NBN: variants seen among roughly 807,000 people sequenced by gnomAD.
The protein encoded by NBN is nibrin, also known as Nijmegen breakage syndrome 1 (nibrin).
In NBN, 88 loss-of-function variants were observed where a neutral mutation model predicts 90.8. The ratio of observed to expected loss-of-function variants is 0.97; its 90% CI spans 0.82 to 1.16. The LOEUF (loss-of-function observed/expected upper bound fraction) is 1.16. NBN is among the 50% of genes most tolerant of loss of function. The pLI is 0.00. For synonymous variants in NBN, 328 were observed against 295.1 expected (o/e 1.11, Z -1.14); for missense variants, 894 against 869.6 (o/e 1.03, Z -0.35).
chr8:89,951,644 T>C (rs1810454650), intron 11 of NBN, among the ~76,000 whole-genome samples: 1 of 152,200 alleles, frequency 6.6e-6, no homozygotes, highest in South Asian at 2.1e-4. Flanking sequence ...TAAACTAATT[T>C]ACCTAGCTCT....
At chr8:89,946,905 T>C (rs1196831769) in intron 12 of NBN, among the ~76,000 whole-genome samples, 1 of 152,184 alleles carries the variant, frequency 6.6e-6, no homozygotes, top group Non-Finnish European at 1.5e-5. Flanking sequence ...GATTCTTGGC[T>C]TCGTGTCATT....
rs1056718535 is a variant in NBN at position 89,952,522 on chromosome 8, T to C, written c.1845+722A>G. The stretch of plus-strand genomic sequence containing the variant: ...TATAAGGTCCTTGATACACACTAGG[T>C]TCTCAACTGCTTAGCTAATAAACTA... On this transcript the variant is annotated intron_variant, in intron 11 of 15. Transcript: ENST00000265433. 2.0e-4 allele frequency among the ~76,000 whole-genome samples: 30 copies of C among 152,178 alleles called. 1 individual carries two copies. The highest frequency in any genetic ancestry group is 1.8e-3 in the Admixed American group (28 of 15,274).
Position 89,947,861 on chromosome 8 carries a change from A to C in NBN, c.1877T>G (p.Leu626Arg), listed in dbSNP as rs1237629649. 3 of 1,581,932 alleles carry C rather than the reference A, an allele frequency of 1.9e-6. No individual in the cohort carries two copies. The highest frequency in any genetic ancestry group is 2.7e-5 in the African/African-American group (2 of 74,112). ...AGCTGACCATAGTGAGTCTTCCTTG[A>C]GTTCACGTTTCTTCCCAATTTCATT... ...QENEIGKKRE[L>R]KEDSLWSAKE... is the part of the protein sequence containing the mutation. The change falls in exon 12 of 16, where the codon CTC (leucine) becomes CGC (arginine). Residue 626 changes from leucine (L) to arginine (R), a missense_variant. Transcript: ENST00000265433.
At chr8:89,967,913 A>G (rs1233848551) in intron 7 of NBN, among the ~76,000 whole-genome samples, 1 of 152,160 alleles carries the variant, frequency 6.6e-6, no homozygotes, top group Non-Finnish European at 1.5e-5. Context: ...GTTAACAGGT[A>G]TCATTTTAAG....
At chr8:89,959,294 A>G (rs754342647) in intron 8 of NBN, among the ~76,000 whole-genome samples, 9 of 152,208 alleles carry the variant, frequency 5.9e-5, no homozygotes, top group Non-Finnish European at 8.8e-5. Flanking sequence ...TCTTAGACAT[A>G]AACTTCTGGC....
Position 89,984,244 on chromosome 8 carries a change from G to T in NBN, c.37+281C>A, listed in dbSNP as rs772887709. On this transcript the variant is annotated intron_variant, in intron 1 of 15. Coordinates refer to ENST00000265433, the MANE Select transcript of NBN (RefSeq NM_002485.5). ...CCAGCCCTAGCGCTGCAACGGCGCGGGGGTGAGGCTGGGAGGGAGGGGGAG... is the reference window on the plus strand; with the variant it reads ...CCAGCCCTAGCGCTGCAACGGCGCGTGGGTGAGGCTGGGAGGGAGGGGGAG... 328 of 552,550 alleles carry T rather than the reference G, an allele frequency of 5.9e-4. 1 individual carries two copies. The highest frequency in any genetic ancestry group is 8.3e-4 in the Non-Finnish European group (252 of 305,320). The allele number at this position is 552,550 out of a possible 1,614,324, so 34.2% of individuals were successfully genotyped here. A position where few individuals can be genotyped will look rare whatever the true frequency, so the allele number is the denominator to read the frequency against.
intron 8 of NBN, among the ~76,000 whole-genome samples, chr8:89,961,273 A>G (rs544117685): frequency 9.2e-5 from 14 of 152,364 alleles, no homozygotes; most frequent in Admixed American, 9.2e-4. Flanking sequence ...AATCTTGTGT[A>G]CCAATAGCTT....
intron 4 of NBN, among the ~76,000 whole-genome samples, chr8:89,979,699 T>C (rs945792740): frequency 6.6e-6 from 1 of 152,118 alleles, no homozygotes; most frequent in African/African-American, 2.4e-5. Context: ...GGCATATGAA[T>C]GACCAGGAAT....
chr8:89,945,139 T>TA (rs1286176761), intron 13 of NBN, among the ~76,000 whole-genome samples: 7 of 152,126 alleles, frequency 4.6e-5, no homozygotes, highest in Non-Finnish European at 1.0e-4. Context: ...TGTAAAACTA[T>TA]AAAAAAAGTC....
chr8:89,979,251 T>A (rs1811932319), intron 4 of NBN, among the ~76,000 whole-genome samples: 1 of 152,184 alleles, frequency 6.6e-6, no homozygotes, highest in African/African-American at 2.4e-5. Context: ...AGTGCTGGGA[T>A]TACAGACGCA....
At chr8:89,964,549 C>T (rs141172426) in intron 7 of NBN, 42 bp from the exon 8 acceptor site, 3 of 1,529,742 alleles carry the variant, frequency 2.0e-6, no homozygotes, top group Non-Finnish European at 2.7e-6. Context: ...TATATTAAAA[C>T]TAGCAACTTT....
intron 5 of NBN, among the ~76,000 whole-genome samples, chr8:89,976,721 C>T (rs538862031): frequency 3.9e-5 from 6 of 152,300 alleles, no homozygotes; most frequent in Non-Finnish European, 7.4e-5. Flanking sequence ...GTTCATCTGT[C>T]GCTGGGTCAG....
rs1554564031 is a variant in NBN, at chr8:89,970,537, T to G, written c.723A>C (p.Ala241=). 6.2e-7 allele frequency: 1 copy of G among 1,613,672 alleles called. No homozygotes were observed. Among genetic ancestry groups the G allele is most frequent in the Non-Finnish European group, 8.5e-7 (1 of 1,179,624 alleles). Reference sequence around the variant, plus strand: ...TAGCTTCCCCACCTCCAAAGACAACTGCGGAACTCAATTTCTTATGCTAAA... The same window carrying G: ...TAGCTTCCCCACCTCCAAAGACAACGGCGGAACTCAATTTCTTATGCTAAA... ...NAKQHKKLSS[A]VVFGGGEARL... The change falls in exon 7 of 16, where the codon GCA becomes GCC. Residue 241 remains alanine (A), a synonymous_variant. Transcript: ENST00000265433.
chr8:89,946,702 C>T, intron 12 of NBN: 1 of 175,874 alleles, frequency 5.7e-6, no homozygotes, highest in Admixed American at 5.9e-5. Context: ...TTCTACAGGT[C>T]CTCATCTACT....
At chr8:89,977,537 G>A (rs1811824369) in intron 5 of NBN, among the ~76,000 whole-genome samples, 1 of 152,180 alleles carries the variant, frequency 6.6e-6, no homozygotes, top group Non-Finnish European at 1.5e-5. Flanking sequence ...ATAAACATAT[G>A]TGTGCATGTG....
chr8:89,967,956 C>T (rs1811328758), intron 7 of NBN, among the ~76,000 whole-genome samples: 1 of 152,102 alleles, frequency 6.6e-6, no homozygotes, highest in African/African-American at 2.4e-5. Context: ...ATACTGCATT[C>T]CCTCCAAAAA....
At chr8:89,963,159 A>G (rs960834470) in intron 8 of NBN, among the ~76,000 whole-genome samples, 6 of 151,228 alleles carry the variant, frequency 4.0e-5, no homozygotes, top group East Asian at 2.0e-4. Flanking sequence ...AACGATCTAC[A>G]TACCTAATAG....
chr8:89,980,471 A>G (rs1486403562), intron 4 of NBN, among the ~76,000 whole-genome samples: 3 of 151,814 alleles, frequency 2.0e-5, no homozygotes, highest in Admixed American at 1.3e-4. Flanking sequence ...TCTCGGTGGA[A>G]GGACAACAGA....
Position 89,984,625 on chromosome 8 carries a change from C to A in NBN, c.-64G>T. On this transcript the variant is annotated 5_prime_UTR_variant, in exon 1 of 16. Coordinates refer to ENST00000265433, the MANE Select transcript of NBN (RefSeq NM_002485.5). ...CGTAACCGGGGCTGCTAGACGAGCG[C>A]GGATACGGCGCCTGCGGTCGGCATG... 6.3e-7 allele frequency: 1 copy of A among 1,597,440 alleles called. No individual in the cohort carries two copies.
Sources: allele counts gnomAD v4.1 joint callset (sites outside exome capture counted in the v4.1 genomes callset), GRCh38; gene constraint gnomAD v4.1.1; transcripts MANE v1.5; gene names NCBI Gene and HGNC (gene_info 2026-07-23, HGNC 2026-07-21).